Variants in NOVA1 observed in about 807,000 individuals in gnomAD.
NOVA1 encodes the protein RNA-binding protein Nova-1.
In NOVA1, 7 loss-of-function variants were observed where a neutral mutation model predicts 38.0. The ratio of observed to expected loss-of-function variants is 0.18; its 90% CI spans 0.10 to 0.35. The LOEUF (loss-of-function observed/expected upper bound fraction) is 0.35, where lower values mean the gene tolerates loss of function less well. Ranked by LOEUF, NOVA1 falls within the 10% of genes least tolerant of loss-of-function variation. The pLI, the probability that NOVA1 is intolerant of heterozygous loss-of-function variation, is 1.00. For missense variants in NOVA1, 460 were observed against 616.0 expected (o/e 0.75, Z 2.68); for synonymous variants, 270 against 232.5 (o/e 1.16, Z -1.47).
At chr14:26,548,776 C>T (rs1219594608) in intron 2 of NOVA1, among the ~76,000 whole-genome samples, 2 of 149,584 alleles carry the variant, frequency 1.3e-5, no homozygotes, top group South Asian at 2.2e-4. Flanking sequence ...TTTACTGTTC[C>T]TTCTCTTCCC....
At chr14:26,583,146 G>A (rs1893320322) in intron 2 of NOVA1, among the ~76,000 whole-genome samples, 1 of 151,604 alleles carries the variant, frequency 6.6e-6, no homozygotes, top group African/African-American at 2.4e-5. Flanking sequence ...TTTCAGTTGA[G>A]AAGATAAGCT....
chr14:26,530,099 T>G (rs550485439), intron 2 of NOVA1, among the ~76,000 whole-genome samples: 58 of 152,300 alleles, frequency 3.8e-4, no homozygotes, highest in African/African-American at 1.3e-3. Context: ...TTTTGTATTT[T>G]TAGCAGAGAC....
intron 2 of NOVA1, among the ~76,000 whole-genome samples, chr14:26,507,741 A>G (rs1887750060): frequency 6.6e-6 from 1 of 152,164 alleles, no homozygotes; most frequent in African/African-American, 2.4e-5. Context: ...CCATGTGTTC[A>G]TCATGTTAAC....
intron 2 of NOVA1, among the ~76,000 whole-genome samples, chr14:26,576,643 T>C (rs940469836): frequency 1.3e-5 from 2 of 151,870 alleles, no homozygotes; most frequent in African/African-American, 4.8e-5. Context: ...TGATAAGGTA[T>C]ACATTTTAAG....
At chr14:26,517,594 T>C (rs1423689534) in intron 2 of NOVA1, among the ~76,000 whole-genome samples, 1 of 152,218 alleles carries the variant, frequency 6.6e-6, no homozygotes, top group Non-Finnish European at 1.5e-5. Context: ...AAACTATATG[T>C]TGAGAAGACT....
chr14:26,497,234 T>C lies in NOVA1; in HGVS notation c.281-17091A>G, dbSNP rs1886885707. Among the ~76,000 whole-genome samples the C allele has an allele frequency of 5.3e-5, 8 of 152,094 alleles. No homozygotes were observed. The South Asian group carries it at 1.7e-3, about 31-fold the overall frequency. On this transcript the variant is annotated intron_variant, in intron 2 of 4. Coordinates refer to ENST00000539517, the MANE Select transcript of NOVA1 (RefSeq NM_002515.3). ...GAATAAAATACCTAGGAATCCACCT[T>C]ACAAGGGACGTGAAGGACCTCTTCA...
At chr14:26,547,382 G>A (rs1409373925) in intron 2 of NOVA1, among the ~76,000 whole-genome samples, 3 of 151,998 alleles carry the variant, frequency 2.0e-5, no homozygotes, top group African/African-American at 7.2e-5. Context: ...GATTACACAA[G>A]CAGTATATTT....
chr14:26,482,799 G>A (rs981413112), intron 2 of NOVA1, among the ~76,000 whole-genome samples: 3 of 152,090 alleles, frequency 2.0e-5, no homozygotes, highest in African/African-American at 7.2e-5. Context: ...CTGGGCTCAA[G>A]AGTGATCCTC....
chr14:26,546,447 TTAA>T (rs2138621177), intron 2 of NOVA1, among the ~76,000 whole-genome samples: 1 of 152,280 alleles, frequency 6.6e-6, no homozygotes, highest in Admixed American at 6.5e-5. Context: ...TGTACCTAAT[TTAA>T]AAGAGTATTT....
intron 2 of NOVA1, among the ~76,000 whole-genome samples, chr14:26,533,250 T>C (rs111978430): frequency 1.2e-4 from 18 of 152,330 alleles, no homozygotes; most frequent in Non-Finnish European, 2.2e-4. Flanking sequence ...TTTGTTTATA[T>C]ATAGTCTTTC....
chr14:26,574,385 A>G (rs1892700827), intron 2 of NOVA1, among the ~76,000 whole-genome samples: 1 of 151,672 alleles, frequency 6.6e-6, no homozygotes, highest in Non-Finnish European at 1.5e-5. Context: ...GAGTATCATA[A>G]AATTGGGAAA....
At chr14:26,564,115 A>G (rs974170668) in intron 2 of NOVA1, among the ~76,000 whole-genome samples, 3 of 152,054 alleles carry the variant, frequency 2.0e-5, no homozygotes, top group African/African-American at 2.4e-5. Flanking sequence ...TTGCTCTACT[A>G]TATGTATTAT....
At chr14:26,560,481 T>A (rs1891755917) in intron 2 of NOVA1, among the ~76,000 whole-genome samples, 1 of 152,092 alleles carries the variant, frequency 6.6e-6, no homozygotes, top group South Asian at 2.1e-4. Context: ...GGGATAAAAT[T>A]GCCTCGTTTT....
At chr14:26,455,159 C>T (rs1247237194) in intron 4 of NOVA1, among the ~76,000 whole-genome samples, 1 of 152,102 alleles carries the variant, frequency 6.6e-6, no homozygotes, top group Non-Finnish European at 1.5e-5. Context: ...GTTTTCATAG[C>T]ATTGTCTAAT....
intron 2 of NOVA1, among the ~76,000 whole-genome samples, chr14:26,576,379 C>T (rs1266812424): frequency 6.6e-6 from 1 of 150,762 alleles, no homozygotes; most frequent in African/African-American, 2.4e-5. Context: ...ACTCTATCAA[C>T]CAGAATAATT....
chr14:26,543,202 A>T (rs1279409198), intron 2 of NOVA1, among the ~76,000 whole-genome samples: 1 of 152,052 alleles, frequency 6.6e-6, no homozygotes, highest in Non-Finnish European at 1.5e-5. Flanking sequence ...AAATTCAAAA[A>T]GCAAAAAATA....
chr14:26,497,297 G>A (rs1886892216), intron 2 of NOVA1, among the ~76,000 whole-genome samples: 2 of 151,996 alleles, frequency 1.3e-5, no homozygotes, highest in South Asian at 2.1e-4. Flanking sequence ...AAATAAAAGA[G>A]GATACAAACA....
At chr14:26,509,447 G>A (rs922403526) in intron 2 of NOVA1, among the ~76,000 whole-genome samples, 4 of 152,126 alleles carry the variant, frequency 2.6e-5, no homozygotes, top group African/African-American at 7.2e-5. Flanking sequence ...TTAAGTATGA[G>A]AAGCAATGAA....
At chr14:26,584,544 G>A (rs954165744) in intron 2 of NOVA1, among the ~76,000 whole-genome samples, 5 of 151,112 alleles carry the variant, frequency 3.3e-5, no homozygotes, top group Admixed American at 1.3e-4. Flanking sequence ...GCACTAGATT[G>A]TCTCTTACCT....
Sources: allele counts gnomAD v4.1 joint callset (sites outside exome capture counted in the v4.1 genomes callset), GRCh38; gene constraint gnomAD v4.1.1; transcripts MANE v1.5; gene names NCBI Gene and HGNC (gene_info 2026-07-23, HGNC 2026-07-21).